STXBP6: variants seen among roughly 807,000 people sequenced by gnomAD.
The protein encoded by STXBP6 is syntaxin binding protein 6.
In STXBP6, 21 loss-of-function variants were observed where a neutral mutation model predicts 26.9. The observed-to-expected ratio is 0.78, with a 90% CI of 0.55 to 1.12. The LOEUF is 1.12. STXBP6 is among the 50% of genes most tolerant of loss of function. The probability of loss-of-function intolerance (pLI) is 0.00; values close to 1 mark genes in which losing one functional copy is unlikely to be tolerated. For synonymous variants in STXBP6, 97 were observed against 92.6 expected (o/e 1.05, Z -0.27); for missense variants, 232 against 257.9 (o/e 0.90, Z 0.69).
chr14:25,040,929 T>C (rs1006068361), intron 1 of STXBP6, among the ~76,000 whole-genome samples: 3 of 152,238 alleles, frequency 2.0e-5, no homozygotes, highest in Non-Finnish European at 4.4e-5. Context: ...ATCTGAAGTC[T>C]CATTTCTCAG....
chr14:24,894,144 G>A (rs1010769174), intron 2 of STXBP6, among the ~76,000 whole-genome samples: 9 of 152,198 alleles, frequency 5.9e-5, no homozygotes, highest in African/African-American at 1.9e-4. Flanking sequence ...AAATAAAAAA[G>A]TTTTTGCAGA....
intron 2 of STXBP6, among the ~76,000 whole-genome samples, chr14:24,902,339 T>A (rs2071242045): frequency 6.6e-6 from 1 of 152,182 alleles, no homozygotes; most frequent in African/African-American, 2.4e-5. Context: ...AGACATGGAA[T>A]GATAAGATAC....
chr14:25,034,104 G>T (rs917353420), intron 1 of STXBP6, among the ~76,000 whole-genome samples: 22 of 152,156 alleles, frequency 1.4e-4, no homozygotes, highest in Non-Finnish European at 2.6e-4. Context: ...AAAGAAGTAG[G>T]GTGCTGCATA....
rs534118422 is a variant in STXBP6 at position 24,987,914 on chromosome 14, G to A, written c.-32-13064C>T. 48 of 983,642 alleles carry A rather than the reference G, an allele frequency of 4.9e-5. No individual in the cohort carries two copies. In the East Asian group the frequency reaches 9.1e-4, roughly 19 times the overall value. 60.9% of individuals were successfully genotyped at this position (983,642 alleles called of 1,614,324 possible). A position where few individuals can be genotyped will look rare whatever the true frequency, so the allele number is the denominator to read the frequency against. ...TTCAATATCACTGCATTGTCCTAACGCTGAGGATACTGAGGAGAAGAAGAG... is the reference window on the plus strand; with the variant it reads ...TTCAATATCACTGCATTGTCCTAACACTGAGGATACTGAGGAGAAGAAGAG... On this transcript the variant is annotated intron_variant, in intron 1 of 5. Coordinates refer to ENST00000323944, the MANE Select transcript of STXBP6 (RefSeq NM_001394410.1).
chr14:24,939,271 C>T (rs768000461), intron 2 of STXBP6, among the ~76,000 whole-genome samples: 4 of 152,096 alleles, frequency 2.6e-5, no homozygotes, highest in African/African-American at 7.2e-5. Flanking sequence ...TACATAATTG[C>T]GGATCTTGGT....
At chr14:24,835,645 A>G (rs1274765503) in intron 4 of STXBP6, among the ~76,000 whole-genome samples, 1 of 152,196 alleles carries the variant, frequency 6.6e-6, no homozygotes, top group Non-Finnish European at 1.5e-5. Flanking sequence ...TTTCTTCCTC[A>G]CCTCTGTAAG....
intron 1 of STXBP6, among the ~76,000 whole-genome samples, chr14:24,985,495 G>GT (rs2074307929): frequency 6.6e-6 from 1 of 152,182 alleles, no homozygotes; most frequent in Admixed American, 6.5e-5. Flanking sequence ...TTCCTTTGCT[G>GT]TATTACCCCC....
At chr14:25,033,779 C>T (rs149384754) in intron 1 of STXBP6, among the ~76,000 whole-genome samples, 12 of 152,318 alleles carry the variant, frequency 7.9e-5, no homozygotes, top group African/African-American at 2.9e-4. Flanking sequence ...ATTAGTTTAG[C>T]TCCTTTAAAA....
At chr14:25,041,488 A>C (rs1377323192) in intron 1 of STXBP6, among the ~76,000 whole-genome samples, 1 of 152,166 alleles carries the variant, frequency 6.6e-6, no homozygotes, top group East Asian at 1.9e-4. Context: ...GGGTAGATTA[A>C]ATTTTTCAAG....
At chr14:24,879,190 CA>C (rs1013792896) in intron 2 of STXBP6, among the ~76,000 whole-genome samples, 4 of 152,140 alleles carry the variant, frequency 2.6e-5, no homozygotes, top group African/African-American at 9.7e-5. Flanking sequence ...TCCTATCAAA[CA>C]ATGAATAATC....
At chr14:24,834,920 A>G (rs78169164) in intron 4 of STXBP6, among the ~76,000 whole-genome samples, 3,923 of 152,272 alleles carry the variant, frequency 0.026, 188 homozygotes, top group East Asian at 0.21. Context: ...GTGCTTCTCA[A>G]GAGTTTTCTT....
chr14:25,033,759 A>G (rs2075502743), intron 1 of STXBP6, among the ~76,000 whole-genome samples: 1 of 152,216 alleles, frequency 6.6e-6, no homozygotes, highest in Non-Finnish European at 1.5e-5. Context: ...GTCATGTAAC[A>G]TTTTATGCAA....
rs1369264794 is a variant in STXBP6 at position 24,812,707 on chromosome 14, T to C, written c.*2A>G. The stretch of plus-strand genomic sequence containing the variant: ...AGAAGAGTCACCAGGATAGGCAGTT[T>C]CTCAACATTTGTGCTTCATGGCAAG... On this transcript the variant is annotated 3_prime_UTR_variant, in exon 6 of 6. Transcript: ENST00000323944. 3 of 1,613,794 alleles carry C rather than the reference T, an allele frequency of 1.9e-6. No homozygotes were observed. The highest frequency in any genetic ancestry group is 4.5e-5 in the East Asian group (2 of 44,832).
At chr14:24,973,379 CTTTTTTTTTTTT>C (rs1057437135) in intron 2 of STXBP6, among the ~76,000 whole-genome samples, 1 of 76,802 alleles carries the variant, frequency 1.3e-5, no homozygotes, top group Non-Finnish European at 2.2e-5. Context: ...AGCTTTCTTC[CTTTTTTTTTTTT>C]TTTTTTTTTT....
At chr14:24,922,654 A>T (rs191227997) in intron 2 of STXBP6, among the ~76,000 whole-genome samples, 1 of 152,170 alleles carries the variant, frequency 6.6e-6, no homozygotes, top group African/African-American at 2.4e-5. Flanking sequence ...CACCAGGTAA[A>T]TGCATCCTTC....
intron 4 of STXBP6, among the ~76,000 whole-genome samples, chr14:24,849,685 T>C (rs2069080736): frequency 6.6e-6 from 1 of 152,128 alleles, no homozygotes; most frequent in South Asian, 2.1e-4. Flanking sequence ...CCTGTTGATT[T>C]AAAGAACTAT....
At position 24,812,608 on chromosome 14, in the gene STXBP6, A is replaced by G; in HGVS notation, c.*101T>C. 17 of 1,187,608 alleles carry G rather than the reference A, an allele frequency of 1.4e-5. No individual in the cohort carries two copies. Among genetic ancestry groups the G allele is most frequent in the South Asian group, 5.1e-5 (4 of 77,776 alleles). 73.6% of individuals were successfully genotyped at this position (1,187,608 alleles called of 1,614,324 possible). ...CAAAAACCACTCTAAGTGTCCAAAT[A>G]TTGGAAAAAAAGAAGCAAGCGGAGG... On this transcript the variant is annotated 3_prime_UTR_variant, in exon 6 of 6. Transcript: ENST00000323944.
intron 2 of STXBP6, among the ~76,000 whole-genome samples, chr14:24,873,710 T>C (rs1379105537): frequency 2.0e-5 from 3 of 152,180 alleles, no homozygotes; most frequent in Admixed American, 2.0e-4. Flanking sequence ...AACCACTAAC[T>C]TTCTCCCTTT....
chr14:24,977,444 T>A (rs1338269096), intron 1 of STXBP6, among the ~76,000 whole-genome samples: 1 of 152,014 alleles, frequency 6.6e-6, no homozygotes, highest in Non-Finnish European at 1.5e-5. Context: ...AGAGAATAGA[T>A]AAAGCCAGTA....
Sources: gnomAD v4.1 joint callset for allele counts (sites outside exome capture counted in the v4.1 genomes callset) on GRCh38, gnomAD v4.1.1 for gene constraint, MANE v1.5 for transcripts, NCBI Gene and HGNC (gene_info 2026-07-23, HGNC 2026-07-21) for gene names.